The following HRH1 variants were observed in gnomAD, a reference collection of about 807,000 sequenced individuals.
The protein encoded by HRH1 is histamine H1 receptor.
In HRH1, 6 loss-of-function variants were observed where a neutral mutation model predicts 10.3. That is an observed-to-expected ratio of 0.58 (90% CI 0.32 to 1.15). The LOEUF (loss-of-function observed/expected upper bound fraction) is 1.15, where lower values mean the gene tolerates loss of function less well. Ranked by LOEUF, HRH1 falls within the 50% of genes most tolerant of loss-of-function variation. The pLI is 0.05. For synonymous variants in HRH1, 242 were observed against 236.7 expected, an observed-to-expected ratio of 1.02 and a Z score of -0.21; for missense variants, 514 against 615.3, an observed-to-expected ratio of 0.84 and a Z score of 1.74.
chr3:11,138,934 C>CA (rs1192103346), intron 1 of HRH1, among the ~76,000 whole-genome samples: 1 of 151,632 alleles, frequency 6.6e-6, no homozygotes, highest in East Asian at 1.9e-4. Flanking sequence ...CTCAGCCTCC[C>CA]AAAGTGCTGG....
chr3:11,183,299 G>A (rs998411173), intron 1 of HRH1, among the ~76,000 whole-genome samples: 1 of 152,172 alleles, frequency 6.6e-6, no homozygotes, highest in African/African-American at 2.4e-5. Flanking sequence ...GGGTCAGGTG[G>A]AGGTGTCCTT....
At chr3:11,152,219 T>C (rs1936647779), upstream of HRH1, among the ~76,000 whole-genome samples, 1 of 152,176 alleles carries the variant, frequency 6.6e-6, no homozygotes, top group Non-Finnish European at 1.5e-5. Flanking sequence ...TATGTAAAGC[T>C]CTTAAATCAA....
intron 1 of HRH1, chr3:11,234,136 G>A (rs1427909841): frequency 3.1e-6 from 2 of 653,600 alleles, no homozygotes; most frequent in Non-Finnish European, 5.3e-6. Context: ...AAGTTATTTT[G>A]TATATTACAG....
chr3:11,147,484 G>T (rs1038596843), intron 1 of HRH1, among the ~76,000 whole-genome samples: 1 of 152,060 alleles, frequency 6.6e-6, no homozygotes, highest in Non-Finnish European at 1.5e-5. Flanking sequence ...CATGAAGAGG[G>T]CAAGGATCTG....
rs200795325 is a variant in HRH1 at position 11,171,123 on chromosome 3, C to CTT, written c.-36+16581_-36+16582dup. 1.3e-3 allele frequency among the ~76,000 whole-genome samples: 180 copies of CTT among 142,196 alleles called. 4 individuals are homozygous for CTT. The highest frequency in any genetic ancestry group is 3.7e-3 in the Middle Eastern group (1 of 272). 93.3% of individuals were successfully genotyped at this position (142,196 alleles called of 152,430 possible). A position where few individuals can be genotyped will look rare whatever the true frequency, so the allele number is the denominator to read the frequency against. Reference sequence around the variant, plus strand: ...AGGGTTTTGGGGTTTTTTTTCTTTTCTTTTTTTTTTTTTGAGACAGTCTCA... The same window carrying CTT: ...AGGGTTTTGGGGTTTTTTTTCTTTTCTTTTTTTTTTTTTTTGAGACAGTCTCA... On this transcript the variant is annotated intron_variant, in intron 1 of 1. Transcript: ENST00000431010.
At chr3:11,175,997 A>G (rs1051897255) in intron 1 of HRH1, among the ~76,000 whole-genome samples, 11 of 151,738 alleles carry the variant, frequency 7.2e-5, no homozygotes, top group Non-Finnish European at 1.5e-4. Context: ...TGTCTCTCCA[A>G]AAAAAAATAA....
At position 11,259,621 on chromosome 3, in the gene HRH1, CCAT is replaced by C; in HGVS notation, c.590_592del (p.Ile197del). 6.2e-7 allele frequency: 1 copy of C among 1,614,022 alleles called. No individual in the cohort carries two copies. Among genetic ancestry groups the C allele is most frequent in the Non-Finnish European group, 8.5e-7 (1 of 1,179,998 alleles). ...GTCACCTGGTTCAAGGTCATGACTG[CCAT>C]CATCAACTTCTACCTGCCCACCTTG... On this transcript the variant is annotated inframe_deletion, in exon 2 of 2. Coordinates refer to ENST00000431010, the MANE Select transcript of HRH1 (RefSeq NM_001098212.2). This position sits in a 1 kb window ranked among gnomAD's most constrained non-coding sequence, Gnocchi z 4.6.
intron 1 of HRH1, among the ~76,000 whole-genome samples, chr3:11,159,964 T>C (rs1377870123): frequency 6.6e-6 from 1 of 152,206 alleles, no homozygotes; most frequent in Non-Finnish European, 1.5e-5. Flanking sequence ...AGCCCAGCCT[T>C]GGACTCTGGA....
At chr3:11,244,995 C>T (rs188098493) in intron 1 of HRH1, among the ~76,000 whole-genome samples, 6 of 152,258 alleles carry the variant, frequency 3.9e-5, no homozygotes, top group East Asian at 3.9e-4. Context: ...CCAGTACACA[C>T]GACAGCTCCC....
chr3:11,223,947 G>A (rs933922121), intron 1 of HRH1, among the ~76,000 whole-genome samples: 4 of 152,082 alleles, frequency 2.6e-5, no homozygotes, highest in African/African-American at 7.2e-5. Flanking sequence ...TGACTCTTCC[G>A]CAGCCTTGAG....
At chr3:11,159,183 G>A (rs943251253) in intron 1 of HRH1, among the ~76,000 whole-genome samples, 5 of 152,206 alleles carry the variant, frequency 3.3e-5, no homozygotes, top group African/African-American at 1.2e-4. Flanking sequence ...GGGAGGCAGA[G>A]GTTGCAGTGA....
chr3:11,240,543 T>A (rs1939305223), intron 1 of HRH1, among the ~76,000 whole-genome samples: 1 of 152,048 alleles, frequency 6.6e-6, no homozygotes. Context: ...CTCTGTAGCC[T>A]CTTTGCACAT....
chr3:11,201,574 T>C (rs527418802), intron 1 of HRH1, among the ~76,000 whole-genome samples: 4 of 152,178 alleles, frequency 2.6e-5, no homozygotes, highest in Admixed American at 2.6e-4. Context: ...GAGGGAAACC[T>C]CTGCAGAGGT....
At chr3:11,163,182 C>G (rs1174233347) in intron 1 of HRH1, among the ~76,000 whole-genome samples, 1 of 152,134 alleles carries the variant, frequency 6.6e-6, no homozygotes, top group Non-Finnish European at 1.5e-5. Flanking sequence ...GTGCATCACC[C>G]CATCCCAGCC....
intron 1 of HRH1, among the ~76,000 whole-genome samples, chr3:11,242,830 A>G (rs922274122): frequency 6.6e-6 from 1 of 152,192 alleles, no homozygotes; most frequent in African/African-American, 2.4e-5. Context: ...TTAAGTCTGA[A>G]CTTCTTTTGA....
intron 1 of HRH1, among the ~76,000 whole-genome samples, chr3:11,258,328 G>T (rs1939839134): frequency 6.7e-6 from 1 of 149,616 alleles, no homozygotes. Context: ...GGGAGAAGAA[G>T]ATTCCAGAGT....
At chr3:11,181,541 T>G (rs1937352832) in intron 1 of HRH1, among the ~76,000 whole-genome samples, 1 of 152,222 alleles carries the variant, frequency 6.6e-6, no homozygotes, top group African/African-American at 2.4e-5. Context: ...TTTGCATTGA[T>G]GGCTAATGAT....
At position 11,218,414 on chromosome 3, in the gene HRH1, C is replaced by T. The variant is rs993662307; in HGVS notation, c.-35-40589C>T. Among the ~76,000 whole-genome samples, 19 of 147,396 alleles carry T rather than the reference C, an allele frequency of 1.3e-4. No individual in the cohort carries two copies. The Middle Eastern group carries it at 0.014, about 108-fold the overall frequency. ...AGTGAGCTGAGATTGTGCTACCGCA[C>T]TCCAACCTAGGCAACAGAGTGAGAC... On this transcript the variant is annotated intron_variant, in intron 1 of 1. Coordinates refer to ENST00000431010, the MANE Select transcript of HRH1 (RefSeq NM_001098212.2).
chr3:11,248,576 A>T (rs892012764), intron 1 of HRH1, among the ~76,000 whole-genome samples: 15 of 152,212 alleles, frequency 9.9e-5, no homozygotes, highest in Non-Finnish European at 1.8e-4. Flanking sequence ...ATAGTCCCCC[A>T]CAATATCACC....
Sources: allele counts gnomAD v4.1 joint callset (sites outside exome capture counted in the v4.1 genomes callset), GRCh38; gene constraint gnomAD v4.1.1; non-coding constraint Gnocchi (gnomAD v3.1); transcripts MANE v1.5; gene names NCBI Gene and HGNC (gene_info 2026-07-23, HGNC 2026-07-21).